Variants in CARS2 observed in about 807,000 individuals in gnomAD.
CARS2 encodes cysteinyl-tRNA synthetase 2, mitochondrial.
In CARS2, 52 loss-of-function variants were observed where a neutral mutation model predicts 68.8. The ratio of observed to expected loss-of-function variants is 0.76; its 90% CI spans 0.61 to 0.95. CARS2 has a LOEUF of 0.95. Among genes scored for constraint, CARS2 ranks in the 40% least tolerant of loss-of-function variants. CARS2 has a pLI of 0.00. For synonymous variants in CARS2, 314 were observed against 303.6 expected (o/e 1.03, Z -0.36); for missense variants, 780 against 754.2 (o/e 1.03, Z -0.40).
upstream of CARS2, among the ~76,000 whole-genome samples, chr13:110,710,079 A>G (rs967479566): frequency 3.9e-5 from 6 of 152,124 alleles, no homozygotes; most frequent in African/African-American, 9.7e-5. Flanking sequence ...GCACTTTGAA[A>G]CTTAAACAAT....
chr13:110,642,930 T>C (rs910269824), intron 13 of CARS2: 2 of 395,904 alleles, frequency 5.1e-6, no homozygotes, highest in Non-Finnish European at 9.8e-6. Flanking sequence ...CGGCAAATGG[T>C]CTGAGATTCA....
In CARS2 at chr13:110,668,318, C is replaced by T. The variant is rs554093887; in HGVS notation, c.786-845G>A. Among the ~76,000 whole-genome samples the T allele has an allele frequency of 7.2e-5, 11 of 152,004 alleles. No individual in the cohort carries two copies. Among genetic ancestry groups the T allele is most frequent in the East Asian group, 3.9e-4 (2 of 5,156 alleles). ...CAGCACTTTGGGAGGCTGAGGCAGG[C>T]GGATCACAAGGTCAGGAGATCGAGA... On this transcript the variant is annotated intron_variant, in intron 7 of 14. Coordinates refer to ENST00000257347, the MANE Select transcript of CARS2 (RefSeq NM_024537.4). The surrounding 1 kb of genome is among the most constrained non-coding windows in gnomAD (Gnocchi z 4.1).
At position 110,665,384 on chromosome 13, in the gene CARS2, T is replaced by G. The variant is rs140780182; in HGVS notation, c.920-1866A>C. The stretch of plus-strand genomic sequence containing the variant: ...TTGCTTGAACCCAGGAGGCAGAGGT[T>G]GCGGTGAGCTCAGATAGTGCCACTG... On this transcript the variant is annotated intron_variant, in intron 8 of 14. Transcript: ENST00000257347. The surrounding 1 kb of genome is among the most constrained non-coding windows in gnomAD (Gnocchi z 4.3). 427 of 915,158 alleles carry G rather than the reference T, an allele frequency of 4.7e-4. 1 individual carries two copies. In the African/African-American group the frequency reaches 7.4e-3, roughly 16 times the overall value. The allele number at this position is 915,158 out of a possible 1,614,324, so 56.7% of individuals were successfully genotyped here.
intron 9 of CARS2, among the ~76,000 whole-genome samples, chr13:110,652,725 C>A (rs918683809): frequency 1.3e-5 from 2 of 152,244 alleles, no homozygotes; most frequent in Non-Finnish European, 2.9e-5. Context: ...CAGAAAGCTG[C>A]TGGGCCAATG....
At chr13:110,649,952 T>TTTG (rs2139695880) in intron 10 of CARS2, among the ~76,000 whole-genome samples, 1 of 147,600 alleles carries the variant, frequency 6.8e-6, no homozygotes, top group African/African-American at 2.6e-5. Context: ...TTTTTTTTTT[T>TTTG]TTTGAGACAG....
chr13:110,663,751 G>A (rs774571194), intron 8 of CARS2: 2 of 1,271,174 alleles, frequency 1.6e-6, no homozygotes, highest in Non-Finnish European at 2.0e-6. Flanking sequence ...GAGAGCAGAT[G>A]GCAGGGGTGC....
chr13:110,659,250 T>C (rs2062444305), intron 9 of CARS2, among the ~76,000 whole-genome samples: 1 of 151,930 alleles, frequency 6.6e-6, no homozygotes, highest in Non-Finnish European at 1.5e-5. Flanking sequence ...TACAGATTAT[T>C]TTGAGCTAAA....
chr13:110,707,199 A>G (rs561330460), upstream of CARS2: 1 of 149,780 alleles, frequency 6.7e-6, no homozygotes, highest in South Asian at 2.1e-4. Context: ...GCCCCCACAC[A>G]TCTACACCCC....
chr13:110,710,784 A>G (rs2064020218), upstream of CARS2, among the ~76,000 whole-genome samples: 1 of 152,234 alleles, frequency 6.6e-6, no homozygotes, highest in Non-Finnish European at 1.5e-5. Flanking sequence ...TCACTACTGT[A>G]TCCCCAGCGC....
intron 9 of CARS2, among the ~76,000 whole-genome samples, chr13:110,655,665 T>C (rs781064884): frequency 2.6e-5 from 4 of 152,232 alleles, no homozygotes; most frequent in Non-Finnish European, 5.9e-5. Flanking sequence ...TTTCCAGACT[T>C]AGTACCTTTG....
At chr13:110,672,948 A>G (rs2062840760) in intron 7 of CARS2, among the ~76,000 whole-genome samples, 1 of 152,262 alleles carries the variant, frequency 6.6e-6, no homozygotes. Flanking sequence ...CTCTATGCAA[A>G]TAAACTAGAA....
rs571582887 is a variant in CARS2 at position 110,705,135 on chromosome 13, A to C, written c.275+386T>G. On this transcript the variant is annotated intron_variant, in intron 2 of 14. Coordinates refer to ENST00000257347, the MANE Select transcript of CARS2 (RefSeq NM_024537.4). This position sits in a 1 kb window ranked among gnomAD's most constrained non-coding sequence, Gnocchi z 4.0. ...TATCATTCCCATCTCAAAGATGAAG[A>C]AACCAGGACTCAAAGCAATAAAGTG... Among the ~76,000 whole-genome samples, 19 of 152,344 alleles carry C rather than the reference A, an allele frequency of 1.2e-4. No homozygotes were observed. The highest frequency in any genetic ancestry group is 1.8e-4 in the Non-Finnish European group (12 of 68,042).
chr13:110,663,894 GCT>G, intron 8 of CARS2: 3 of 1,018,960 alleles, frequency 2.9e-6, no homozygotes, highest in Non-Finnish European at 3.5e-6. Flanking sequence ...AAACGACAAA[GCT>G]CTCATTTGAC....
At chr13:110,711,612 G>A (rs1343615907) in intron 1 of CARS2, among the ~76,000 whole-genome samples, 1 of 152,216 alleles carries the variant, frequency 6.6e-6, no homozygotes, top group African/African-American at 2.4e-5. Context: ...CTAGAATAGC[G>A]TGATCTGTAA....
At chr13:110,642,668 C>A in intron 13 of CARS2, 147 bp from the exon 14 acceptor site, 1 of 828,720 alleles carries the variant, frequency 1.2e-6, no homozygotes, top group Non-Finnish European at 2.1e-6. Flanking sequence ...CTGGGTCTGG[C>A]AGGGATGGGT....
At chr13:110,667,585 C>A in intron 7 of CARS2, 112 bp from the exon 8 acceptor site, 2 of 925,888 alleles carry the variant, frequency 2.2e-6, no homozygotes, top group Non-Finnish European at 3.1e-6. Context: ...AAATGGATCT[C>A]AGTTTTGCAT....
rs2986324 is a variant in CARS2 at position 110,656,229 on chromosome 13, G to C, written c.988-5129C>G. ...GAGGCATGAGAATCACTTGAACCTGGGAGGCAGAGGTTGCAGTGAGTTGAG... is the reference window on the plus strand; with the variant it reads ...GAGGCATGAGAATCACTTGAACCTGCGAGGCAGAGGTTGCAGTGAGTTGAG... On this transcript the variant is annotated intron_variant, in intron 9 of 14. Coordinates refer to ENST00000257347, the MANE Select transcript of CARS2 (RefSeq NM_024537.4). 4.0e-3 allele frequency among the ~76,000 whole-genome samples: 610 copies of C among 152,240 alleles called. 3 individuals are homozygous for C. Among genetic ancestry groups the C allele is most frequent in the African/African-American group, 0.014 (570 of 41,542 alleles).
chr13:110,644,346 A>G (rs1887802267), intron 13 of CARS2, 39 bp downstream of exon 13: 1 of 1,578,764 alleles, frequency 6.3e-7, no homozygotes, highest in African/African-American at 1.4e-5. Context: ...CAACATGGAG[A>G]AAATTCCAGA....
At chr13:110,687,535 G>T (rs779941643) in intron 5 of CARS2, among the ~76,000 whole-genome samples, 186 bp downstream of exon 5, 1 of 151,798 alleles carries the variant, frequency 6.6e-6, no homozygotes. Context: ...AAATGTAGCC[G>T]GGCATGGTGG....
Sources: gnomAD v4.1 joint callset for allele counts (sites outside exome capture counted in the v4.1 genomes callset) on GRCh38, gnomAD v4.1.1 for gene constraint, Gnocchi (gnomAD v3.1) non-coding constraint, MANE v1.5 for transcripts, NCBI Gene and HGNC (gene_info 2026-07-23, HGNC 2026-07-21) for gene names.